The following CTDSPL variants were observed in gnomAD, a reference collection of about 807,000 sequenced individuals.
CTDSPL encodes the protein CTD small phosphatase-like protein.
CTDSPL carries 8 observed loss-of-function variants against 30.5 expected under a neutral mutation model. The observed-to-expected ratio is 0.26, with a 90% CI of 0.15 to 0.47. The LOEUF (loss-of-function observed/expected upper bound fraction) is 0.47, where lower values mean the gene tolerates loss of function less well. CTDSPL is among the 20% of genes least tolerant of loss of function. The pLI is 0.99. For missense variants in CTDSPL, 248 were observed against 366.1 expected, an observed-to-expected ratio of 0.68 and a Z score of 2.63; for synonymous variants, 110 against 137.9, an observed-to-expected ratio of 0.80 and a Z score of 1.42.
chr3:37,920,686 A>G (rs774869277), intron 1 of CTDSPL, among the ~76,000 whole-genome samples: 3 of 152,260 alleles, frequency 2.0e-5, no homozygotes, highest in African/African-American at 4.8e-5. Flanking sequence ...AGGATTTTCA[A>G]AAAGTGACCT....
rs1309991703 is a variant in CTDSPL at position 37,982,806 on chromosome 3, A to C, written c.*1939A>C. On this transcript the variant is annotated 3_prime_UTR_variant, in exon 8 of 8. Coordinates refer to ENST00000273179, the MANE Select transcript of CTDSPL (RefSeq NM_001008392.2). ...GCCACAAATATTTATTTGGAAAAGTAGTCATTAAATGAACCCACTGCCTTA... is the reference window on the plus strand; with the variant it reads ...GCCACAAATATTTATTTGGAAAAGTCGTCATTAAATGAACCCACTGCCTTA... 2.7e-6 allele frequency: 1 copy of C among 369,038 alleles called. No homozygotes were observed. Among genetic ancestry groups the C allele is most frequent in the Non-Finnish European group, 5.4e-6 (1 of 185,444 alleles). 22.9% of individuals were successfully genotyped at this position (369,038 alleles called of 1,614,324 possible). A position where few individuals can be genotyped will look rare whatever the true frequency, so the allele number is the denominator to read the frequency against.
intron 1 of CTDSPL, among the ~76,000 whole-genome samples, chr3:37,906,918 G>A (rs938375046): frequency 6.6e-6 from 1 of 151,574 alleles, no homozygotes; most frequent in African/African-American, 2.4e-5. Context: ...AGGTACAAAC[G>A]AAGGCGTCTG....
chr3:37,875,680 T>C (rs1217907252), intron 1 of CTDSPL, among the ~76,000 whole-genome samples: 2 of 152,258 alleles, frequency 1.3e-5, no homozygotes, highest in Non-Finnish European at 2.9e-5. Context: ...GGCTCCCTTA[T>C]GTACAAGTCA....
In CTDSPL at chr3:37,981,158, A is replaced by C. The variant is rs950804943; in HGVS notation, c.*291A>C. ...AAAAAAAAAAAAAAGCTTGATCTCT[A>C]TCAGACTTCCTTTCAACTGTCCTCC... On this transcript the variant is annotated 3_prime_UTR_variant, in exon 8 of 8. Transcript: ENST00000273179. 1 of 199,258 alleles carries C rather than the reference A, an allele frequency of 5.0e-6. No individual in the cohort carries two copies. 12.3% of individuals were successfully genotyped at this position (199,258 alleles called of 1,614,324 possible). A position where few individuals can be genotyped will look rare whatever the true frequency, so the allele number is the denominator to read the frequency against.
chr3:37,967,876 A>G lies in CTDSPL; in HGVS notation c.420A>G (p.Ile140Met). 1 of 1,596,694 alleles carries G rather than the reference A, an allele frequency of 6.3e-7. No homozygotes were observed. The highest frequency in any genetic ancestry group is 8.5e-7 in the Non-Finnish European group (1 of 1,174,318). Reference sequence around the variant, plus strand: ...TTCCGGTTGAAATCGATGGAACTATACATCAGGTAAGAAACTGAAGCTAAA... The same window carrying G: ...TTCCGGTTGAAATCGATGGAACTATGCATCAGGTAAGAAACTGAAGCTAAA... ...FIVPVEIDGTIHQVYVLKRPH... is the reference protein window; with the variant it reads ...FIVPVEIDGTMHQVYVLKRPH... Residue 140 changes from isoleucine to methionine, a missense_variant, in exon 5 of 8, where the codon ATA (isoleucine) becomes ATG (methionine). Physicochemically the swap from Ile to Met is conservative, Grantham distance 10. Transcript: ENST00000273179.
intron 2 of CTDSPL, among the ~76,000 whole-genome samples, chr3:37,947,517 G>A (rs1052113361): frequency 1.3e-5 from 2 of 152,042 alleles, no homozygotes; most frequent in East Asian, 1.9e-4. Context: ...CCAAGATCCC[G>A]CCATTGCACT....
chr3:37,944,300 C>T (rs1163056625), intron 1 of CTDSPL, among the ~76,000 whole-genome samples: 1 of 150,190 alleles, frequency 6.7e-6, no homozygotes, highest in Middle Eastern at 3.3e-3. Context: ...TTTTAGTTTG[C>T]TTTGCTTAGT....
chr3:37,947,448 T>C (rs1699052789), intron 2 of CTDSPL, among the ~76,000 whole-genome samples: 1 of 152,018 alleles, frequency 6.6e-6, no homozygotes, highest in Admixed American at 6.5e-5. Context: ...TAATCCCAGC[T>C]ACTAGGGAGG....
intron 6 of CTDSPL, among the ~76,000 whole-genome samples, chr3:37,974,109 ATTC>A (rs1382964136): frequency 1.3e-5 from 2 of 152,192 alleles, no homozygotes; most frequent in Non-Finnish European, 1.5e-5. Flanking sequence ...GCCCAAGACA[ATTC>A]TTCTTCCAAT....
intron 5 of CTDSPL, chr3:37,969,440 G>A (rs1699338416): frequency 1.9e-6 from 1 of 529,864 alleles, no homozygotes; most frequent in Non-Finnish European, 3.9e-6. Flanking sequence ...AGGCTGTGCA[G>A]GTCCCAATGG....
rs148680065 is a variant in CTDSPL, at chr3:37,874,816, A to G, written c.79+12538A>G. ...TCTTCATTTGCTTTGATGGTAACCTATGGTGCCAAGGGAAGCAGCATCTAG... is the reference window on the plus strand; with the variant it reads ...TCTTCATTTGCTTTGATGGTAACCTGTGGTGCCAAGGGAAGCAGCATCTAG... On this transcript the variant is annotated intron_variant, in intron 1 of 7. Coordinates refer to ENST00000273179, the MANE Select transcript of CTDSPL (RefSeq NM_001008392.2). Among the ~76,000 whole-genome samples, 198 of 152,250 alleles carry G rather than the reference A, an allele frequency of 1.3e-3. 1 individual carries two copies. The highest frequency in any genetic ancestry group is 0.01 in the Middle Eastern group (3 of 294).
At chr3:37,920,192 A>G (rs9826388) in intron 1 of CTDSPL, among the ~76,000 whole-genome samples, 46,432 of 152,012 alleles carry the variant, frequency 0.31, 8,938 homozygotes, top group African/African-American at 0.54. Flanking sequence ...GCAGGGATTC[A>G]CGATCTCCAC....
At chr3:37,960,496 A>AT (rs1559645067) in intron 3 of CTDSPL, among the ~76,000 whole-genome samples, 2 of 65,364 alleles carry the variant, frequency 3.1e-5, no homozygotes, top group African/African-American at 1.4e-4. Context: ...AAAAAAAAAA[A>AT]AAAAAAAAAA....
intron 1 of CTDSPL, among the ~76,000 whole-genome samples, chr3:37,914,599 C>T (rs933909917): frequency 1.3e-5 from 2 of 152,162 alleles, no homozygotes; most frequent in African/African-American, 2.4e-5. Flanking sequence ...ATTTGATTCA[C>T]CCCTTTATTC....
At position 37,981,505 on chromosome 3, in the gene CTDSPL, C is replaced by T. The variant is rs1267194728; in HGVS notation, c.*638C>T. On this transcript the variant is annotated 3_prime_UTR_variant, in exon 8 of 8. Coordinates refer to ENST00000273179, the MANE Select transcript of CTDSPL (RefSeq NM_001008392.2). The stretch of plus-strand genomic sequence containing the variant: ...CTGTGGCATGCTGCAGGGTCAGGCT[C>T]CTGATAGGAGGATTTCATGACTATG... The T allele has an allele frequency of 4.3e-6, 1 of 232,072 alleles. No homozygotes were observed. Among genetic ancestry groups the T allele is most frequent in the Non-Finnish European group, 8.8e-6 (1 of 113,884 alleles). 14.4% of individuals were successfully genotyped at this position (232,072 alleles called of 1,614,324 possible). A position where few individuals can be genotyped will look rare whatever the true frequency, so the allele number is the denominator to read the frequency against.
intron 1 of CTDSPL, among the ~76,000 whole-genome samples, chr3:37,909,193 G>C (rs994916958): frequency 6.6e-6 from 1 of 152,206 alleles, no homozygotes; most frequent in African/African-American, 2.4e-5. Context: ...AGGCTTTGAA[G>C]GTAGACAAAG....
At position 37,925,834 on chromosome 3, in the gene CTDSPL, C is replaced by T. The variant is rs548414213; in HGVS notation, c.80-21223C>T. 2.5e-4 allele frequency among the ~76,000 whole-genome samples: 38 copies of T among 149,416 alleles called. No homozygotes were observed. The East Asian group carries it at 7.0e-3, about 27-fold the overall frequency. On this transcript the variant is annotated intron_variant, in intron 1 of 7. Transcript: ENST00000273179. ...TCGCACGGGTGACAGTTCTCCAGTACACACAGACACACACACACACACACA... is the reference window on the plus strand; with the variant it reads ...TCGCACGGGTGACAGTTCTCCAGTATACACAGACACACACACACACACACA...
rs1279926816 is a variant in CTDSPL at position 37,975,180 on chromosome 3, A to G, written c.520-529A>G. Among the ~76,000 whole-genome samples, 3 of 152,372 alleles carry G rather than the reference A, an allele frequency of 2.0e-5. No individual in the cohort carries two copies. In the East Asian group the frequency reaches 5.8e-4, roughly 29 times the overall value. The stretch of plus-strand genomic sequence containing the variant: ...AAAGGTCCTGACCATACTCAAAGCC[A>G]GTGTGGCTCCAGGGGCTCCAGATGG... On this transcript the variant is annotated intron_variant, in intron 6 of 7. Transcript: ENST00000273179. The surrounding 1 kb of genome is among the most constrained non-coding windows in gnomAD (Gnocchi z 4.9).
chr3:37,962,079 G>A (rs1699251123), intron 3 of CTDSPL, among the ~76,000 whole-genome samples: 1 of 152,188 alleles, frequency 6.6e-6, no homozygotes. Context: ...GACCTTTCTT[G>A]ATGTGACTGG....
Sources: allele counts gnomAD v4.1 joint callset (sites outside exome capture counted in the v4.1 genomes callset), GRCh38; gene constraint gnomAD v4.1.1; non-coding constraint Gnocchi (gnomAD v3.1); transcripts MANE v1.5; gene names NCBI Gene and HGNC (gene_info 2026-07-23, HGNC 2026-07-21).